Variants in CHEK1 observed in about 807,000 individuals in gnomAD.
CHEK1 encodes checkpoint kinase 1.
Under a neutral mutation model 60.2 loss-of-function variants are expected in CHEK1, and 32 were observed. That is an observed-to-expected ratio of 0.53 (90% confidence interval 0.40 to 0.71). The LOEUF is 0.71. Among genes scored for constraint, CHEK1 ranks in the 30% least tolerant of loss-of-function variants. CHEK1 has a pLI of 0.00. For synonymous variants in CHEK1, 179 were observed against 187.2 expected (o/e 0.96, Z 0.36); for missense variants, 399 against 564.6 (o/e 0.71, Z 2.97).
At chr11:125,665,869 C>CTTT (rs66560397) in intron 13 of CHEK1, among the ~76,000 whole-genome samples, 577 of 30,552 alleles carry the variant, frequency 0.019, 1 homozygote, top group Non-Finnish European at 0.021. Flanking sequence ...CTTCATTCCC[C>CTTT]TTTTTTTTTT....
chr11:125,639,649 G>A (rs925755884), intron 8 of CHEK1, among the ~76,000 whole-genome samples: 4 of 151,928 alleles, frequency 2.6e-5, no homozygotes, highest in African/African-American at 9.7e-5. Flanking sequence ...TGGGTTTATA[G>A]GTGTGAGCTA....
chr11:125,680,760 T>C (rs747960965), downstream of CHEK1: 3 of 1,613,778 alleles, frequency 1.9e-6, no homozygotes, highest in Non-Finnish European at 2.5e-6. Context: ...AAAGACTCAT[T>C]AGCAAGAGAA....
At chr11:125,665,656 A>G (rs991685625) in intron 13 of CHEK1, among the ~76,000 whole-genome samples, 11 of 151,996 alleles carry the variant, frequency 7.2e-5, no homozygotes, top group Admixed American at 3.3e-4. Context: ...TGATCTTGCT[A>G]CTCATTATTG....
chr11:125,640,531 C>T (rs536789082), intron 8 of CHEK1, among the ~76,000 whole-genome samples: 130 of 146,488 alleles, frequency 8.9e-4, no homozygotes, highest in Admixed American at 3.0e-3. Flanking sequence ...AACAGCGAGA[C>T]TCCGTCTCAA....
In CHEK1 at chr11:125,674,443, G is replaced by A. The variant is rs565008709; in HGVS notation, c.*28-1485G>A. Among the ~76,000 whole-genome samples, 10 of 152,190 alleles carry A rather than the reference G, an allele frequency of 6.6e-5. 1 individual carries two copies. The South Asian group carries it at 1.7e-3, about 25-fold the overall frequency. The stretch of plus-strand genomic sequence containing the variant: ...AATTTCAGGCTGAAGCATAACTGGA[G>A]AAAACATGAAAACATGAAACTGTTC... On this transcript the variant is annotated intron_variant, in intron 13 of 13. Transcript: ENST00000428830.
downstream of CHEK1, chr11:125,678,295 T>A (rs746831008): frequency 3.7e-6 from 6 of 1,613,146 alleles, no homozygotes; most frequent in Non-Finnish European, 5.1e-6. Flanking sequence ...TGACTTGATG[T>A]TCCTGGGATG....
At chr11:125,639,692 T>C (rs1337342822) in intron 8 of CHEK1, among the ~76,000 whole-genome samples, 3 of 152,050 alleles carry the variant, frequency 2.0e-5, no homozygotes, top group Non-Finnish European at 4.4e-5. Flanking sequence ...TATTATCTTC[T>C]CTCCATCCTC....
Position 125,644,145 on chromosome 11 carries a change from C to T in CHEK1, c.978C>T (p.Ser326=), listed in dbSNP as rs2847422. Residue 326 remains serine, a synonymous_variant, in exon 10 of 13, where the codon TCC becomes TCT. Transcript: ENST00000438015. The part of the protein sequence containing the change: ...SSQPEPRTGL[S]LWDTSPSYID... ...AGCCAGAACCCCGCACAGGTCTTTC[C>T]TTATGGGATACCAGCCCCTCATACA... The T allele has an allele frequency of 6.2e-7, 1 of 1,614,118 alleles. No individual in the cohort carries two copies. Among genetic ancestry groups the T allele is most frequent in the Non-Finnish European group, 8.5e-7 (1 of 1,180,016 alleles).
At chr11:125,679,415 G>C (rs752562126), downstream of CHEK1, among the ~76,000 whole-genome samples, 1 of 151,634 alleles carries the variant, frequency 6.6e-6, no homozygotes, top group African/African-American at 2.4e-5. Context: ...ACAGGGTCTC[G>C]CCATGTTGGC....
chr11:125,677,981 G>T, downstream of CHEK1: 1 of 1,612,492 alleles, frequency 6.2e-7, no homozygotes, highest in South Asian at 1.1e-5. Flanking sequence ...CTCCGGAGAG[G>T]TGTTCACCTG....
rs1465753510 is a variant in CHEK1, at chr11:125,626,020, AGGGC to A, written c.-21+11_-21+14del. 1 of 696,400 alleles carries A rather than the reference AGGGC, an allele frequency of 1.4e-6. No homozygotes were observed. Among genetic ancestry groups the A allele is most frequent in the Admixed American group, 2.0e-5 (1 of 49,912 alleles). The allele number at this position is 696,400 out of a possible 1,614,324, so 43.1% of individuals were successfully genotyped here. A position where few individuals can be genotyped will look rare whatever the true frequency, so the allele number is the denominator to read the frequency against. ...TGGGCAAAGGACAGTCCGGTGAGGA[AGGGC>A]GGCCGGTAGAGTAGGGAAGGTTTCT... is the stretch of plus-strand genomic sequence containing the variant. On this transcript the variant is annotated intron_variant, in intron 1 of 12. Coordinates refer to ENST00000438015, the MANE Select transcript of CHEK1 (RefSeq NM_001114122.3).
At chr11:125,680,878 GCTT>G, downstream of CHEK1, 6 of 991,394 alleles carry the variant, frequency 6.1e-6, no homozygotes, top group South Asian at 5.6e-5. Flanking sequence ...CTGAAGCAGA[GCTT>G]CTGGGAATTC....
At chr11:125,658,931 C>T (rs1250762647), downstream of CHEK1, among the ~76,000 whole-genome samples, 1 of 152,084 alleles carries the variant, frequency 6.6e-6, no homozygotes, top group Non-Finnish European at 1.5e-5. Context: ...AGTGATCATC[C>T]TGCCTTGGCC....
In CHEK1 at chr11:125,653,904, T is replaced by A; in HGVS notation, c.1335+57T>A. ...GGAAATATTTCTATATGAATTTTTT[T>A]AATGGCATTATGTTTGTATATATGT... On this transcript the variant is annotated intron_variant, in intron 12 of 12. Coordinates refer to ENST00000438015, the MANE Select transcript of CHEK1 (RefSeq NM_001114122.3). The surrounding 1 kb of genome is among the most constrained non-coding windows in gnomAD (Gnocchi z 4.3). 1.9e-6 allele frequency: 2 copies of A among 1,040,422 alleles called. No individual in the cohort carries two copies. Among genetic ancestry groups the A allele is most frequent in the Non-Finnish European group, 2.8e-6 (2 of 704,686 alleles). The allele number at this position is 1,040,422 out of a possible 1,614,324, so 64.4% of individuals were successfully genotyped here. A position where few individuals can be genotyped will look rare whatever the true frequency, so the allele number is the denominator to read the frequency against.
chr11:125,652,172 G>T (rs376474319), intron 11 of CHEK1, among the ~76,000 whole-genome samples: 35 of 152,120 alleles, frequency 2.3e-4, no homozygotes, highest in African/African-American at 7.5e-4. Context: ...TGCTGATCTC[G>T]CTCGGGCTTA....
chr11:125,672,592 T>C, intron 13 of CHEK1: 1 of 1,613,936 alleles, frequency 6.2e-7, no homozygotes, highest in Non-Finnish European at 8.5e-7. Flanking sequence ...GGCCCAGGCT[T>C]CTAGATCTTA....
downstream of CHEK1, chr11:125,657,187 T>TTTTGTGTGTGTGTGTGTGTGTGTGTG (rs140073080): frequency 2.0e-4 from 30 of 147,044 alleles, no homozygotes; most frequent in African/African-American, 6.6e-4. Context: ...CAACCTATGC[T>TTTTGTGTGTGTGTGTGTGTGTGTGTG]TGTGTGTGTG....
chr11:125,659,149 T>C (rs899363032), downstream of CHEK1, among the ~76,000 whole-genome samples: 6 of 152,234 alleles, frequency 3.9e-5, no homozygotes, highest in African/African-American at 1.4e-4. Context: ...TTCATTGATA[T>C]CCAATCAAGT....
intron 8 of CHEK1, chr11:125,643,500 G>GAAA: frequency 1.1e-5 from 2 of 184,034 alleles, no homozygotes; most frequent in South Asian, 1.3e-4. Context: ...CTCAAAAAAA[G>GAAA]AAAAAAAAAA....
Sources: allele counts gnomAD v4.1 joint callset (sites outside exome capture counted in the v4.1 genomes callset), GRCh38; gene constraint gnomAD v4.1.1; non-coding constraint Gnocchi (gnomAD v3.1); transcripts MANE v1.5; gene names NCBI Gene and HGNC (gene_info 2026-07-23, HGNC 2026-07-21).